The following QPRT variants were observed in gnomAD, a reference collection of about 807,000 sequenced individuals.
QPRT encodes quinolinate phosphoribosyltransferase, also known as nicotinate-nucleotide pyrophosphorylase [carboxylating].
Under a neutral mutation model 19.8 loss-of-function variants are expected in QPRT, and 17 were observed. That is an observed-to-expected ratio of 0.86 (90% CI 0.59 to 1.29). The LOEUF is 1.29. Among genes scored for constraint, QPRT ranks in the 50% most tolerant of loss-of-function variants. QPRT has a pLI of 0.00. For missense variants in QPRT, 336 were observed against 405.1 expected, an observed-to-expected ratio of 0.83 and a Z score of 1.46; for synonymous variants, 178 against 191.0, an observed-to-expected ratio of 0.93 and a Z score of 0.56.
At chr16:29,685,578 C>T (rs1239861138) in intron 1 of QPRT, among the ~76,000 whole-genome samples, 10 of 152,156 alleles carry the variant, frequency 6.6e-5, no homozygotes, top group Admixed American at 1.3e-4. Flanking sequence ...TGACAGCCAC[C>T]GCGCCCAGCC....
At chr16:29,695,532 C>T (rs1472306623) in intron 2 of QPRT, among the ~76,000 whole-genome samples, 1 of 147,724 alleles carries the variant, frequency 6.8e-6, no homozygotes, top group Non-Finnish European at 1.5e-5. Flanking sequence ...CTCTTTCACC[C>T]AGGCTGGAGT....
At position 29,694,721 on chromosome 16, in the gene QPRT, G is replaced by A. The variant is rs773602737; in HGVS notation, c.71G>A (p.Arg24Gln). The change falls in exon 2 of 4, where the codon CGA becomes CAA. Residue 24 changes from arginine to glutamine, a missense_variant. Transcript: ENST00000395384. The part of the protein sequence containing the change: ...TLAALVDSWL[R>Q]EDCPGLNYAA... ...GCAGCCCTGGTGGACAGCTGGCTCC[G>A]AGAGGACTGCCCAGGGCTCAACTAC... is the stretch of plus-strand genomic sequence containing the variant. 2.5e-5 allele frequency: 40 copies of A among 1,585,082 alleles called. No individual in the cohort carries two copies. The East Asian group carries it at 7.2e-4, about 28-fold the overall frequency.
intron 1 of QPRT, among the ~76,000 whole-genome samples, chr16:29,689,418 G>A (rs939078730): frequency 6.6e-6 from 1 of 152,074 alleles, no homozygotes; most frequent in Non-Finnish European, 1.5e-5. Flanking sequence ...TAAGTTCAGG[G>A]GTACATGTGC....
chr16:29,689,035 C>T (rs1967247539), intron 1 of QPRT, among the ~76,000 whole-genome samples: 1 of 152,102 alleles, frequency 6.6e-6, no homozygotes, highest in Admixed American at 6.6e-5. Flanking sequence ...CCTGCCTCAG[C>T]CTCCCAAAGT....
chr16:29,686,673 T>C (rs1415935217), intron 1 of QPRT, among the ~76,000 whole-genome samples: 1 of 151,980 alleles, frequency 6.6e-6, no homozygotes, highest in Non-Finnish European at 1.5e-5. Flanking sequence ...TTTTTTTTAT[T>C]TTTTGTATTT....
chr16:29,681,172 G>A (rs2142294387), intron 1 of QPRT, among the ~76,000 whole-genome samples: 1 of 152,136 alleles, frequency 6.6e-6, no homozygotes, highest in South Asian at 2.1e-4. Context: ...CGCCGACCTG[G>A]ATGTGAATCC....
chr16:29,697,195 G>A lies in QPRT; in HGVS notation c.682-4G>A, dbSNP rs768368747. 32 of 1,604,788 alleles carry A rather than the reference G, an allele frequency of 2.0e-5. No individual in the cohort carries two copies. Among genetic ancestry groups the A allele is most frequent in the Admixed American group, 6.7e-5 (4 of 59,472 alleles). ...CTTACCTCCCCTTGGCTTGTGTCCC[G>A]CAGGAGCTGCACCCCACGGCCACCG... On this transcript the variant is annotated splice_polypyrimidine_tract_variant and splice_region_variant and intron_variant, in intron 3 of 3. Transcript: ENST00000395384. The surrounding 1 kb of genome is among the most constrained non-coding windows in gnomAD (Gnocchi z 4.4).
At chr16:29,685,711 T>A (rs1406883331) in intron 1 of QPRT, among the ~76,000 whole-genome samples, 1 of 151,916 alleles carries the variant, frequency 6.6e-6, no homozygotes. Context: ...TTTAAAATTC[T>A]GTGATGGGTC....
In QPRT at chr16:29,694,647, TTC is replaced by T; in HGVS notation, c.14-11_14-10del. 6.6e-7 allele frequency: 1 copy of T among 1,515,714 alleles called. No homozygotes were observed. Among genetic ancestry groups the T allele is most frequent in the East Asian group, 2.3e-5 (1 of 43,886 alleles). The allele number at this position is 1,515,714 out of a possible 1,614,324, so 93.9% of individuals were successfully genotyped here. A position where few individuals can be genotyped will look rare whatever the true frequency, so the allele number is the denominator to read the frequency against. ...GAGAGGCAGCCAAACTCAACAGCTG[TTC>T]TCTCTTCCCCCCAGGCCTGGCGCTG... On this transcript the variant is annotated splice_polypyrimidine_tract_variant and intron_variant, in intron 1 of 3. Coordinates refer to ENST00000395384, the MANE Select transcript of QPRT (RefSeq NM_014298.6).
chr16:29,679,138 G>C, upstream of QPRT: 1 of 1,613,662 alleles, frequency 6.2e-7, no homozygotes, highest in Non-Finnish European at 8.5e-7. Context: ...CCAGCCTGGG[G>C]CCTCTGGGAG....
chr16:29,686,865 A>T (rs113246076), intron 1 of QPRT, among the ~76,000 whole-genome samples: 37 of 152,268 alleles, frequency 2.4e-4, no homozygotes, highest in East Asian at 7.7e-4. Context: ...GGATTAACAG[A>T]CATGAGCCTC....
chr16:29,695,127 G>C lies in QPRT; in HGVS notation c.477G>C (p.Ser159=), dbSNP rs569256152. 12 of 1,587,490 alleles carry C rather than the reference G, an allele frequency of 7.6e-6. No homozygotes were observed. Among genetic ancestry groups the C allele is most frequent in the Non-Finnish European group, 1.0e-5 (12 of 1,168,202 alleles). ...GGCTCCTGGTGGGCGGGGCCGCCTCGCACCGCTACGACCTGGGAGGGCTGG... is the reference window on the plus strand; with the variant it reads ...GGCTCCTGGTGGGCGGGGCCGCCTCCCACCGCTACGACCTGGGAGGGCTGG... ...KYGLLVGGAA[S]HRYDLGGLVM... Residue 159 remains serine, a synonymous_variant, in exon 2 of 4, where the codon TCG becomes TCC. Coordinates refer to ENST00000395384, the MANE Select transcript of QPRT (RefSeq NM_014298.6).
chr16:29,691,529 T>C (rs971550621), intron 1 of QPRT, among the ~76,000 whole-genome samples: 1 of 151,626 alleles, frequency 6.6e-6, no homozygotes, highest in Non-Finnish European at 1.5e-5. Flanking sequence ...ACAAAAAATA[T>C]ACAAAAATTA....
At chr16:29,687,797 G>A (rs1196140124) in intron 1 of QPRT, among the ~76,000 whole-genome samples, 1 of 147,422 alleles carries the variant, frequency 6.8e-6, no homozygotes, top group Non-Finnish European at 1.5e-5. Flanking sequence ...AGAAAAAAAT[G>A]TTTAAAAGCC....
intron 1 of QPRT, among the ~76,000 whole-genome samples, chr16:29,690,825 G>C (rs1241532570): frequency 6.6e-6 from 1 of 152,042 alleles, no homozygotes; most frequent in African/African-American, 2.4e-5. Context: ...AAGTAGCTGG[G>C]ATTACAGGCA....
intron 1 of QPRT, among the ~76,000 whole-genome samples, chr16:29,685,093 A>T (rs2142299399): frequency 6.6e-6 from 1 of 152,286 alleles, no homozygotes; most frequent in East Asian, 1.9e-4. Flanking sequence ...CCCTTTTGGA[A>T]ATAGCCCTCA....
At chr16:29,691,483 G>A (rs4580182) in intron 1 of QPRT, among the ~76,000 whole-genome samples, 1 of 151,346 alleles carries the variant, frequency 6.6e-6, no homozygotes, top group African/African-American at 2.4e-5. Context: ...AGTTCAAGAC[G>A]AGGCTGGGGA....
At chr16:29,693,203 C>G (rs1290548868) in intron 1 of QPRT, among the ~76,000 whole-genome samples, 1 of 152,106 alleles carries the variant, frequency 6.6e-6, no homozygotes, top group Non-Finnish European at 1.5e-5. Context: ...CCCTGTTGTG[C>G]TAGCAAATAG....
At chr16:29,679,594 T>A (rs1038446655) in intron 1 of QPRT, among the ~76,000 whole-genome samples, 3 of 149,924 alleles carry the variant, frequency 2.0e-5, no homozygotes, top group Non-Finnish European at 4.4e-5. Context: ...CAAAGTCCTG[T>A]CCCTTCTGCA....
Sources: gnomAD v4.1 joint callset for allele counts (sites outside exome capture counted in the v4.1 genomes callset) on GRCh38, gnomAD v4.1.1 for gene constraint, Gnocchi (gnomAD v3.1) non-coding constraint, MANE v1.5 for transcripts, NCBI Gene and HGNC (gene_info 2026-07-23, HGNC 2026-07-21) for gene names.